The following DYNC1I1 variants were observed in gnomAD, a reference collection of about 807,000 sequenced individuals.
DYNC1I1 encodes cytoplasmic dynein 1 intermediate chain 1.
A neutral mutation model predicts 86.6 loss-of-function variants in DYNC1I1; 43 were observed. That is an observed-to-expected ratio of 0.50 (90% CI 0.39 to 0.64). The LOEUF (loss-of-function observed/expected upper bound fraction) is 0.64. DYNC1I1 is among the 30% of genes least tolerant of loss of function. The pLI, the probability that DYNC1I1 is intolerant of heterozygous loss-of-function variation, is 0.00. For synonymous variants in DYNC1I1, 262 were observed against 283.7 expected (o/e 0.92, Z 0.77); for missense variants, 604 against 788.8 (o/e 0.77, Z 2.81).
intron 6 of DYNC1I1, among the ~76,000 whole-genome samples, chr7:95,917,639 T>A (rs1791504073): frequency 6.6e-6 from 1 of 152,204 alleles, no homozygotes. Flanking sequence ...GTATCAAAAA[T>A]ACCACGGGAA....
chr7:96,017,953 C>CA (rs1236494581), intron 10 of DYNC1I1, among the ~76,000 whole-genome samples: 1 of 152,156 alleles, frequency 6.6e-6, no homozygotes, highest in Non-Finnish European at 1.5e-5. Flanking sequence ...TAATTGGTCT[C>CA]AATCAGTTCC....
intron 10 of DYNC1I1, among the ~76,000 whole-genome samples, chr7:95,998,078 C>G (rs1012010184): frequency 6.6e-6 from 1 of 152,168 alleles, no homozygotes; most frequent in African/African-American, 2.4e-5. Context: ...GCAATATCTA[C>G]GTGTTTCTGT....
intron 6 of DYNC1I1, among the ~76,000 whole-genome samples, chr7:95,953,657 C>T (rs1175147341): frequency 6.6e-5 from 10 of 152,104 alleles, no homozygotes; most frequent in African/African-American, 2.2e-4. Flanking sequence ...ACTTTAAACA[C>T]AGATGATTTG....
chr7:95,805,503 C>T (rs1794681657), intron 2 of DYNC1I1, among the ~76,000 whole-genome samples: 1 of 151,964 alleles, frequency 6.6e-6, no homozygotes, highest in Admixed American at 6.6e-5. Context: ...TCCACTGAGG[C>T]CTTTCTTTAT....
chr7:95,993,241 G>A (rs1024319605), intron 9 of DYNC1I1, among the ~76,000 whole-genome samples: 6 of 152,074 alleles, frequency 3.9e-5, no homozygotes, highest in African/African-American at 1.4e-4. Flanking sequence ...GTATCTTTAG[G>A]CCTTATGATC....
At chr7:95,903,330 A>T (rs1002127853) in intron 6 of DYNC1I1, among the ~76,000 whole-genome samples, 2 of 152,152 alleles carry the variant, frequency 1.3e-5, no homozygotes, top group Non-Finnish European at 2.9e-5. Context: ...AATGCTTCCA[A>T]CTTATTTAGG....
At chr7:96,087,093 GA>G (rs3216258) in intron 16 of DYNC1I1, among the ~76,000 whole-genome samples, 125,982 of 152,088 alleles carry the variant, frequency 0.83, 52,289 homozygotes, top group Middle Eastern at 0.9. Flanking sequence ...TTTTTAAGGG[GA>G]ATCACACTTA....
At chr7:95,924,057 T>C (rs1288274700) in intron 6 of DYNC1I1, among the ~76,000 whole-genome samples, 2 of 151,880 alleles carry the variant, frequency 1.3e-5, no homozygotes, top group East Asian at 3.9e-4. Flanking sequence ...AGAACAGTTT[T>C]CCCCATTGGA....
chr7:95,916,651 C>A (rs1055176437), intron 6 of DYNC1I1, among the ~76,000 whole-genome samples: 1 of 152,024 alleles, frequency 6.6e-6, no homozygotes, highest in Non-Finnish European at 1.5e-5. Flanking sequence ...ATTATGTGAC[C>A]ATTCATTGTT....
At chr7:95,888,213 G>A (rs1790646211) in intron 6 of DYNC1I1, among the ~76,000 whole-genome samples, 1 of 152,194 alleles carries the variant, frequency 6.6e-6, no homozygotes, top group Admixed American at 6.5e-5. Context: ...AAGGTGGGCA[G>A]ATTGCTTGAG....
chr7:96,106,608 T>C (rs1791218916), intron 16 of DYNC1I1, among the ~76,000 whole-genome samples: 1 of 146,046 alleles, frequency 6.8e-6, no homozygotes, highest in Non-Finnish European at 1.5e-5. Context: ...GATTTTGCAA[T>C]AGACTTTATT....
At chr7:96,109,603 A>T (rs1362079817) in intron 16 of DYNC1I1, among the ~76,000 whole-genome samples, 1 of 152,120 alleles carries the variant, frequency 6.6e-6, no homozygotes, top group Non-Finnish European at 1.5e-5. Flanking sequence ...CATTCAGTTC[A>T]GAATACTTCC....
intron 1 of DYNC1I1, among the ~76,000 whole-genome samples, chr7:95,791,368 T>C (rs147772799): frequency 1.3e-5 from 2 of 152,336 alleles, no homozygotes; most frequent in African/African-American, 4.8e-5. Flanking sequence ...CTGGCTCCTT[T>C]ATCATACAGC....
At chr7:96,046,584 A>T (rs1167779275) in intron 14 of DYNC1I1, among the ~76,000 whole-genome samples, 2 of 152,248 alleles carry the variant, frequency 1.3e-5, no homozygotes, top group Non-Finnish European at 2.9e-5. Context: ...GTGACCCCAA[A>T]GACTGTGTTC....
intron 1 of DYNC1I1, among the ~76,000 whole-genome samples, chr7:95,790,142 G>A (rs1171932101): frequency 6.6e-6 from 1 of 152,094 alleles, no homozygotes; most frequent in Non-Finnish European, 1.5e-5. Flanking sequence ...CTTAAAGCAT[G>A]GCATAGCCAA....
At chr7:96,039,150 T>C (rs1486458748) in intron 13 of DYNC1I1, 127 bp from the exon 14 acceptor site, 1 of 963,820 alleles carries the variant, frequency 1.0e-6, no homozygotes, top group Non-Finnish European at 1.5e-6. Flanking sequence ...GATTTCATTT[T>C]GGTGGTGTGT....
intron 6 of DYNC1I1, among the ~76,000 whole-genome samples, chr7:95,915,705 G>A (rs1017673924): frequency 1.8e-4 from 28 of 152,186 alleles, no homozygotes; most frequent in African/African-American, 5.5e-4. Context: ...GCAATTCCTC[G>A]TTGTCAATGA....
At chr7:96,109,454 T>C (rs1791276623) in intron 16 of DYNC1I1, among the ~76,000 whole-genome samples, 1 of 151,850 alleles carries the variant, frequency 6.6e-6, no homozygotes, top group South Asian at 2.1e-4. Context: ...CTTCTTTTTC[T>C]AGTTTGTTAA....
chr7:95,993,790 G>A (rs988976351), intron 9 of DYNC1I1, among the ~76,000 whole-genome samples: 1 of 152,112 alleles, frequency 6.6e-6, no homozygotes, highest in Admixed American at 6.5e-5. Flanking sequence ...AAAAAGATCT[G>A]TGTTCAAATT....
Sources: allele counts gnomAD v4.1 joint callset (sites outside exome capture counted in the v4.1 genomes callset), GRCh38; gene constraint gnomAD v4.1.1; transcripts MANE v1.5; gene names NCBI Gene and HGNC (gene_info 2026-07-23, HGNC 2026-07-21).